Variants in ABCA4 observed in about 807,000 individuals in gnomAD.
ABCA4 encodes retinal-specific phospholipid-transporting ATPase ABCA4.
A neutral mutation model predicts 263.7 loss-of-function variants in ABCA4; 196 were observed. That is an observed-to-expected ratio of 0.74 (90% CI 0.66 to 0.84). ABCA4 has a LOEUF of 0.84. Ranked by LOEUF, ABCA4 falls within the 40% of genes least tolerant of loss-of-function variation. ABCA4 has a pLI of 0.00. For synonymous variants in ABCA4, 1,133 were observed against 1,094.2 expected, an observed-to-expected ratio of 1.04 and a Z score of -0.70; for missense variants, 2,792 against 2,855.1, an observed-to-expected ratio of 0.98 and a Z score of 0.50.
chr1:94,083,472 T>G, intron 6 of ABCA4, 31 bp from the exon 7 acceptor site: 1 of 1,547,176 alleles, frequency 6.5e-7, no homozygotes, highest in East Asian at 2.2e-5. Flanking sequence ...ATTTTTTAAA[T>G]ATATATATGT....
chr1:94,066,819 T>A (rs1245891915), intron 11 of ABCA4, among the ~76,000 whole-genome samples: 1 of 152,250 alleles, frequency 6.6e-6, no homozygotes, highest in African/African-American at 2.4e-5. Context: ...AGTAGAACTT[T>A]CTGCAGTGAT....
rs530110275 is a variant in ABCA4 at position 94,083,536 on chromosome 1, TC to T, written c.769-96del. ...TCTGATCTCCTATATGTTTGAAAAC[TC>T]CCCCCCTCCTTCTTTCTGATCGCAG... On this transcript the variant is annotated intron_variant, in intron 6 of 49. Transcript: ENST00000370225. 1,518 of 846,932 alleles carry T rather than the reference TC, an allele frequency of 1.8e-3. 22 individuals carry two copies. The highest frequency in any genetic ancestry group is 4.6e-4 in the East Asian group (18 of 39,362). The allele number at this position is 846,932 out of a possible 1,614,324, so 52.5% of individuals were successfully genotyped here. A position where few individuals can be genotyped will look rare whatever the true frequency, so the allele number is the denominator to read the frequency against.
chr1:94,044,036 C>A (rs1019030419), intron 20 of ABCA4, among the ~76,000 whole-genome samples: 2 of 151,058 alleles, frequency 1.3e-5, no homozygotes, highest in African/African-American at 4.9e-5. Flanking sequence ...CCCTCCTGTT[C>A]CCTTCCTTCT....
intron 19 of ABCA4, 130 bp downstream of exon 19, chr1:94,046,789 C>A (rs2101056884): frequency 2.6e-6 from 3 of 1,149,572 alleles, no homozygotes; most frequent in Non-Finnish European, 3.8e-6. Flanking sequence ...AAAGCTTTTA[C>A]ACATTTTTGG....
intron 5 of ABCA4, among the ~76,000 whole-genome samples, chr1:94,101,052 C>T (rs762335676): frequency 4.6e-5 from 7 of 152,234 alleles, no homozygotes; most frequent in Non-Finnish European, 8.8e-5. Flanking sequence ...AGAGCATCAG[C>T]TCATCAGAGC....
In ABCA4 at chr1:94,041,318, A is replaced by T. The variant is rs1287053724; in HGVS notation, c.3413T>A (p.Leu1138His). Residue 1138 changes from leucine to histidine, a missense_variant, in exon 23 of 50, where the codon CTC (leucine) becomes CAC (histidine). Coordinates refer to ENST00000370225, the MANE Select transcript of ABCA4 (RefSeq NM_000350.3). ...GAAGAGTGGGGTGCCTGAGCAGTAG[A>T]GCCTTCCCTGGGCAATGATGGCAAT... ...DRIAIIAQGRLYCSGTPLFLK... is the reference protein window; with the variant it reads ...DRIAIIAQGRHYCSGTPLFLK... 1.2e-6 allele frequency: 2 copies of T among 1,614,068 alleles called. No homozygotes were observed. The highest frequency in any genetic ancestry group is 1.7e-6 in the Non-Finnish European group (2 of 1,180,014).
chr1:94,099,383 G>T (rs1046373482), intron 5 of ABCA4, among the ~76,000 whole-genome samples: 10 of 152,224 alleles, frequency 6.6e-5, no homozygotes, highest in African/African-American at 2.2e-4. Context: ...ATGCAGTCCT[G>T]CTGATGCCCT....
At chr1:94,035,572 C>T (rs756905877) in intron 26 of ABCA4, among the ~76,000 whole-genome samples, 7 of 152,146 alleles carry the variant, frequency 4.6e-5, no homozygotes, top group Non-Finnish European at 1.0e-4. Context: ...GAGCTGATTC[C>T]AGAATCCACA....
In ABCA4 at chr1:93,992,908, G is replaced by T. The variant is rs1190862429; in HGVS notation, c.*329C>A. 4.8e-6 allele frequency: 2 copies of T among 419,426 alleles called. No homozygotes were observed. Among genetic ancestry groups the T allele is most frequent in the Non-Finnish European group, 8.9e-6 (2 of 225,962 alleles). 26.0% of individuals were successfully genotyped at this position (419,426 alleles called of 1,614,324 possible). A position where few individuals can be genotyped will look rare whatever the true frequency, so the allele number is the denominator to read the frequency against. The stretch of plus-strand genomic sequence containing the variant: ...ACAACGCAGACACACAGACAAACAT[G>T]CAGAAAAGCAGATCTGCTTGAAATG... On this transcript the variant is annotated 3_prime_UTR_variant, in exon 50 of 50. Coordinates refer to ENST00000370225, the MANE Select transcript of ABCA4 (RefSeq NM_000350.3).
chr1:94,029,173 A>AT (rs1463501066), intron 30 of ABCA4, among the ~76,000 whole-genome samples: 11 of 151,770 alleles, frequency 7.2e-5, no homozygotes, highest in Non-Finnish European at 1.5e-4. Context: ...ATATGACTTA[A>AT]TTTTTTTTAG....
chr1:93,996,272 T>C, intron 48 of ABCA4, 77 bp from the exon 49 acceptor site: 2 of 1,124,112 alleles, frequency 1.8e-6, no homozygotes, highest in Non-Finnish European at 1.3e-6. Context: ...CCCACTTTGC[T>C]CTCTATTTTC....
intron 6 of ABCA4, among the ~76,000 whole-genome samples, chr1:94,087,079 G>T (rs994021927): frequency 6.6e-6 from 1 of 152,144 alleles, no homozygotes; most frequent in African/African-American, 2.4e-5. Flanking sequence ...GCTTTCTGGG[G>T]TTTTACAAGG....
At chr1:94,026,978 G>C (rs1660056624) in intron 30 of ABCA4, among the ~76,000 whole-genome samples, 1 of 152,020 alleles carries the variant, frequency 6.6e-6, no homozygotes, top group Admixed American at 6.6e-5. Context: ...GAATGAGAAA[G>C]AGATTGAGAG....
intron 16 of ABCA4, among the ~76,000 whole-genome samples, chr1:94,052,352 C>G (rs1367883628): frequency 6.6e-6 from 1 of 152,152 alleles, no homozygotes; most frequent in Non-Finnish European, 1.5e-5. Context: ...AGTTCTGCTC[C>G]CTACAAAATG....
At chr1:94,056,522 G>A in intron 15 of ABCA4, 79 bp downstream of exon 15, 1 of 1,456,486 alleles carries the variant, frequency 6.9e-7, no homozygotes, top group Non-Finnish European at 9.5e-7. Flanking sequence ...CCCTCAGAGG[G>A]CAGGCTGGGC....
At chr1:94,079,822 G>A (rs759988306) in intron 8 of ABCA4, among the ~76,000 whole-genome samples, 2 of 152,168 alleles carry the variant, frequency 1.3e-5, no homozygotes, top group Non-Finnish European at 2.9e-5. Flanking sequence ...ATCTCAGCTT[G>A]AGCCTCAGTA....
intron 30 of ABCA4, among the ~76,000 whole-genome samples, chr1:94,026,867 G>A (rs955605992): frequency 2.0e-5 from 3 of 152,214 alleles, no homozygotes; most frequent in Admixed American, 2.0e-4. Context: ...GGCTGAATGA[G>A]GGATTGTGTT....
intron 36 of ABCA4, among the ~76,000 whole-genome samples, chr1:94,017,094 A>G (rs895568619): frequency 6.6e-6 from 1 of 152,350 alleles, no homozygotes; most frequent in African/African-American, 2.4e-5. Flanking sequence ...CACATGAACC[A>G]TGACTGCATA....
At chr1:94,030,727 T>C (rs1355621061) in intron 28 of ABCA4, among the ~76,000 whole-genome samples, 1 of 152,158 alleles carries the variant, frequency 6.6e-6, no homozygotes, top group East Asian at 1.9e-4. Flanking sequence ...CACCTATGCC[T>C]CAAAAAGATG....
Sources: gnomAD v4.1 joint callset for allele counts (sites outside exome capture counted in the v4.1 genomes callset) on GRCh38, gnomAD v4.1.1 for gene constraint, MANE v1.5 for transcripts, NCBI Gene and HGNC (gene_info 2026-07-23, HGNC 2026-07-21) for gene names.